The following TASOR variants were observed in gnomAD, a reference collection of about 807,000 sequenced individuals.
TASOR encodes protein TASOR.
A neutral mutation model predicts 178.6 loss-of-function variants in TASOR; 53 were observed. The ratio of observed to expected loss-of-function variants is 0.30; its 90% CI spans 0.24 to 0.37. The LOEUF (loss-of-function observed/expected upper bound fraction) is 0.37, where lower values mean the gene tolerates loss of function less well. TASOR is among the 10% of genes least tolerant of loss of function. TASOR has a pLI of 1.00. For missense variants in TASOR, 1,815 were observed against 1,971.4 expected, an observed-to-expected ratio of 0.92 and a Z score of 1.50; for synonymous variants, 713 against 696.2, an observed-to-expected ratio of 1.02 and a Z score of -0.38.
In TASOR at chr3:56,682,889, T is replaced by C; in HGVS notation, c.118A>G (p.Asn40Asp). 3 of 1,539,824 alleles carry C rather than the reference T, an allele frequency of 1.9e-6. No homozygotes were observed. The highest frequency in any genetic ancestry group is 2.6e-6 in the Non-Finnish European group (3 of 1,137,742). ...ATGTTGAGGCCGCCGCCGCCGCCATTTTGTTGGGAGGACTCAAGCTCCGGA... is the reference window on the plus strand; with the variant it reads ...ATGTTGAGGCCGCCGCCGCCGCCATCTTGTTGGGAGGACTCAAGCTCCGGA... ...ALPELESSQQ[N>D]GGGGGLNIAE... The change falls in exon 1 of 24, where the codon AAT becomes GAT. Residue 40 changes from asparagine to aspartate, a missense_variant. Around this residue, in one of 5 missense-constraint regions of TASOR, gnomAD observed 244 missense variants for 202.7 expected, o/e 1.20. Coordinates refer to ENST00000683822, the MANE Select transcript of TASOR (RefSeq NM_001365635.2).
Position 56,660,769 on chromosome 3 carries a change from T to A in TASOR, c.1330A>T (p.Met444Leu), listed in dbSNP as rs780178811. Residue 444 changes from methionine (M) to leucine (L), a missense_variant, in exon 11 of 24, where the codon ATG becomes TTG. Coordinates refer to ENST00000683822, the MANE Select transcript of TASOR (RefSeq NM_001365635.2). ...VVEKTRIGSN[M>L]ESLLQKLDRE... ...TCTAGTTTTTGCAGTAAACTCTCCA[T>A]GTTACTTCCAATTCTTGTCTTTTCC... 10 of 1,613,778 alleles carry A rather than the reference T, an allele frequency of 6.2e-6. No homozygotes were observed. The South Asian group carries it at 1.1e-4, about 18-fold the overall frequency.
chr3:56,632,316 C>CA (rs1322036061), intron 18 of TASOR, among the ~76,000 whole-genome samples: 5 of 150,498 alleles, frequency 3.3e-5, no homozygotes, highest in South Asian at 4.2e-4. Flanking sequence ...ACTAAAAATA[C>CA]AAAAAAAAAT....
intron 11 of TASOR, among the ~76,000 whole-genome samples, chr3:56,654,745 G>C (rs539215274): frequency 6.6e-6 from 1 of 152,304 alleles, no homozygotes; most frequent in Admixed American, 6.5e-5. Flanking sequence ...TGTCTTCCAA[G>C]TTGGGATGTC....
At chr3:56,662,571 G>A (rs2077621192) in intron 8 of TASOR, 81 bp from the exon 9 acceptor site, 12 of 600,558 alleles carry the variant, frequency 2.0e-5, no homozygotes, top group East Asian at 6.6e-5. Flanking sequence ...GAAATGAGAC[G>A]GAAAATATCT....
intron 1 of TASOR, among the ~76,000 whole-genome samples, chr3:56,674,201 T>TA (rs11348732): frequency 0.1 from 11,674 of 111,670 alleles, 852 homozygotes; most frequent in African/African-American, 0.22. Context: ...TCTTTAAGTT[T>TA]AAAAAAAAAA....
rs750387126 is a variant in TASOR at position 56,622,902 on chromosome 3, CTG to C, written c.*133_*134del. 12 of 486,920 alleles carry C rather than the reference CTG, an allele frequency of 2.5e-5. No homozygotes were observed. Among genetic ancestry groups the C allele is most frequent in the Middle Eastern group, 5.2e-4 (1 of 1,928 alleles). The allele number at this position is 486,920 out of a possible 1,614,324, so 30.2% of individuals were successfully genotyped here. A position where few individuals can be genotyped will look rare whatever the true frequency, so the allele number is the denominator to read the frequency against. On this transcript the variant is annotated 3_prime_UTR_variant, in exon 24 of 24. Transcript: ENST00000683822. ...TTATTTCAATTTTTAGATGCTTCAA[CTG>C]TTACAGGCCATCATGATTTAAATAA...
At chr3:56,634,548 C>A (rs1466967872) in intron 17 of TASOR, among the ~76,000 whole-genome samples, 1 of 152,100 alleles carries the variant, frequency 6.6e-6, no homozygotes, top group African/African-American at 2.4e-5. Flanking sequence ...ATGTCAGGGA[C>A]TTCATTTTAT....
At position 56,657,367 on chromosome 3, in the gene TASOR, G is replaced by C. The variant is rs569032880; in HGVS notation, c.1368+3364C>G. Among the ~76,000 whole-genome samples, 15 of 150,900 alleles carry C rather than the reference G, an allele frequency of 9.9e-5. No homozygotes were observed. The East Asian group carries it at 2.7e-3, about 27-fold the overall frequency. ...AAAAGTCAATATAATCTTATTTCGT[G>C]TATCATCTCCCTGGGTGAAAAGAAA... On this transcript the variant is annotated intron_variant, in intron 11 of 23. Coordinates refer to ENST00000683822, the MANE Select transcript of TASOR (RefSeq NM_001365635.2).
chr3:56,662,371 TTACTTA>T lies in TASOR; in HGVS notation c.1160+8_1160+13del, dbSNP rs1424699221. 5 of 1,420,254 alleles carry T rather than the reference TTACTTA, an allele frequency of 3.5e-6. No homozygotes were observed. The highest frequency in any genetic ancestry group is 4.9e-6 in the Non-Finnish European group (5 of 1,029,114). The allele number at this position is 1,420,254 out of a possible 1,614,324, so 88.0% of individuals were successfully genotyped here. On this transcript the variant is annotated splice_region_variant and intron_variant, in intron 9 of 23. Transcript: ENST00000683822. ...AAAATTAGCAACCACGAACTGCTCT[TTACTTA>T]TACTTACAGTTTGATAGGCAAAAAA...
At chr3:56,651,411 T>TG (rs1420542454) in intron 11 of TASOR, among the ~76,000 whole-genome samples, 2 of 152,024 alleles carry the variant, frequency 1.3e-5, no homozygotes, top group Admixed American at 1.3e-4. Flanking sequence ...ACATGTACAA[T>TG]GGGCCAGGCG....
chr3:56,655,458 G>A (rs1238275852), intron 11 of TASOR, among the ~76,000 whole-genome samples: 3 of 151,908 alleles, frequency 2.0e-5, no homozygotes, highest in Admixed American at 6.6e-5. Flanking sequence ...AGAGACTAAC[G>A]ACAATAATTA....
chr3:56,654,672 C>G (rs1408551318), intron 11 of TASOR, among the ~76,000 whole-genome samples: 1 of 152,134 alleles, frequency 6.6e-6, no homozygotes, highest in Non-Finnish European at 1.5e-5. Context: ...ATCCAATCAG[C>G]TGAAGGCCTA....
chr3:56,668,443 T>C lies in TASOR; in HGVS notation c.851A>G (p.Asn284Ser), dbSNP rs2030293763. ...GTAAGCCAAAAGTGATGTAATTCGA[T>C]TGGCATTCTTTGACACGTGACATTC... ...KHECHVSKNA[N>S]RITSLLAYRA... The change falls in exon 6 of 24, where the codon AAT becomes AGT. Residue 284 changes from asparagine (N) to serine (S), a missense_variant. Physicochemically the swap from Asn to Ser is conservative, Grantham distance 46. Around this residue, in one of 5 missense-constraint regions of TASOR, gnomAD observed 504 missense variants for 645.3 expected, o/e 0.78. Coordinates refer to ENST00000683822, the MANE Select transcript of TASOR (RefSeq NM_001365635.2). 6.4e-7 allele frequency: 1 copy of C among 1,551,696 alleles called. No individual in the cohort carries two copies.
intron 18 of TASOR, among the ~76,000 whole-genome samples, chr3:56,632,260 C>T (rs963928991): frequency 6.6e-6 from 1 of 152,020 alleles, no homozygotes; most frequent in African/African-American, 2.4e-5. Flanking sequence ...ATCACGAGGC[C>T]AGGAGTTCCA....
chr3:56,623,644 A>G, intron 23 of TASOR, 78 bp from the exon 24 acceptor site: 1 of 1,543,118 alleles, frequency 6.5e-7, no homozygotes, highest in South Asian at 1.3e-5. Flanking sequence ...CACTACTCAC[A>G]CAATATAACG....
intron 20 of TASOR, 53 bp from the exon 21 acceptor site, chr3:56,627,198 G>A (rs2076817637): frequency 2.8e-6 from 3 of 1,053,034 alleles, no homozygotes; most frequent in Non-Finnish European, 4.3e-6. Flanking sequence ...CATTCCATAA[G>A]TGAATTATGA....
At chr3:56,639,923 CATT>C in intron 16 of TASOR, 60 bp downstream of exon 16, 1 of 1,451,898 alleles carries the variant, frequency 6.9e-7, no homozygotes, top group Non-Finnish European at 9.4e-7. Context: ...AAGATGGAAA[CATT>C]CAGGAAACTG....
intron 1 of TASOR, among the ~76,000 whole-genome samples, chr3:56,677,122 T>C (rs1180014448): frequency 6.6e-6 from 1 of 152,246 alleles, no homozygotes; most frequent in African/African-American, 2.4e-5. Flanking sequence ...ATGTACATTT[T>C]CTGGTAGTCT....
chr3:56,650,157 C>G (rs955643850), intron 11 of TASOR, among the ~76,000 whole-genome samples: 13 of 152,200 alleles, frequency 8.5e-5, no homozygotes, highest in African/African-American at 3.1e-4. Flanking sequence ...AGCATGGCAA[C>G]TGAACACAAA....
Sources: allele counts gnomAD v4.1 joint callset (sites outside exome capture counted in the v4.1 genomes callset), GRCh38; gene constraint gnomAD v4.1.1; regional missense constraint gnomAD v4.1.1; transcripts MANE v1.5; gene names NCBI Gene and HGNC (gene_info 2026-07-23, HGNC 2026-07-21).